Variants in VEZT observed in about 807,000 individuals in gnomAD.
VEZT encodes the protein vezatin.
Under a neutral mutation model 79.9 loss-of-function variants are expected in VEZT, and 39 were observed. The observed-to-expected ratio is 0.49, with a 90% confidence interval of 0.38 to 0.64. VEZT has a LOEUF of 0.64. Ranked by LOEUF, VEZT falls within the 30% of genes least tolerant of loss-of-function variation. VEZT has a pLI of 0.00. For synonymous variants in VEZT, 325 were observed against 327.6 expected (o/e 0.99, Z 0.09); for missense variants, 837 against 893.1 (o/e 0.94, Z 0.80).
intron 8 of VEZT, 98 bp from the exon 9 acceptor site, chr12:95,287,566 G>C (rs1429610999): frequency 8.3e-7 from 1 of 1,201,774 alleles, no homozygotes; most frequent in Non-Finnish European, 1.1e-6. Context: ...GCCTCCCAAA[G>C]TGCTGAGATT....
intron 4 of VEZT, among the ~76,000 whole-genome samples, chr12:95,264,564 A>G (rs2065136536): frequency 1.3e-5 from 2 of 151,746 alleles, no homozygotes; most frequent in Admixed American, 6.6e-5. Flanking sequence ...AGCCTCCCAA[A>G]TACCTGGGAC....
intron 6 of VEZT, among the ~76,000 whole-genome samples, chr12:95,273,491 G>A (rs555409864): frequency 2.1e-4 from 32 of 152,302 alleles, no homozygotes; most frequent in African/African-American, 7.2e-4. Context: ...ACATGGCTAA[G>A]GAATAGAGGT....
chr12:95,244,484 A>G (rs909314572), intron 1 of VEZT, among the ~76,000 whole-genome samples: 1 of 152,108 alleles, frequency 6.6e-6, no homozygotes, highest in Admixed American at 6.6e-5. Context: ...GCTTCCTTAA[A>G]TTCTCAAAAA....
At chr12:95,295,624 G>GT (rs1409399233) in intron 10 of VEZT, among the ~76,000 whole-genome samples, 3 of 152,166 alleles carry the variant, frequency 2.0e-5, no homozygotes, top group Admixed American at 2.0e-4. Flanking sequence ...ATAAGGTGGG[G>GT]TGTTCCCTAA....
chr12:95,234,781 T>A (rs537022470), intron 1 of VEZT, among the ~76,000 whole-genome samples: 2 of 152,176 alleles, frequency 1.3e-5, no homozygotes, highest in African/African-American at 4.8e-5. Context: ...GGTCTCTGGT[T>A]TTCCTAGGCA....
intron 9 of VEZT, among the ~76,000 whole-genome samples, chr12:95,291,135 G>A (rs528041190): frequency 6.6e-6 from 1 of 152,238 alleles, no homozygotes; most frequent in Non-Finnish European, 1.5e-5. Flanking sequence ...GGAGGCTGAG[G>A]TGGAAAGATT....
intron 1 of VEZT, among the ~76,000 whole-genome samples, chr12:95,235,739 C>A (rs1322857469): frequency 6.6e-6 from 1 of 151,024 alleles, no homozygotes; most frequent in African/African-American, 2.4e-5. Flanking sequence ...CCCTCCCGGA[C>A]GGGGTGGTTG....
intron 5 of VEZT, among the ~76,000 whole-genome samples, chr12:95,268,291 C>T (rs10859864): frequency 0.11 from 17,013 of 151,914 alleles, 1,046 homozygotes; most frequent in East Asian, 0.25. Flanking sequence ...GTCAGGAGAT[C>T]GTAGCTATCC....
At position 95,257,201 on chromosome 12, in the gene VEZT, T is replaced by C. The variant is rs2063605079; in HGVS notation, c.220T>C (p.Ser74Pro). ...AACCATCAAAAGTTGGATTTTTTTTTCTCAGTGCAATAAGAAAGATGACTT... is the reference window on the plus strand; with the variant it reads ...AACCATCAAAAGTTGGATTTTTTTTCCTCAGTGCAATAAGAAAGATGACTT... ...AETIKSWIFF[S>P]QCNKKDDLLH... Residue 74 changes from serine to proline, a missense_variant, in exon 3 of 12, where the codon TCT becomes CCT. Ser to Pro is a moderately conservative substitution (Grantham distance 74, BLOSUM62 -1). Coordinates refer to ENST00000436874, the MANE Select transcript of VEZT (RefSeq NM_017599.4). 6.2e-7 allele frequency: 1 copy of C among 1,611,490 alleles called. No homozygotes were observed. Among genetic ancestry groups the C allele is most frequent in the Non-Finnish European group, 8.5e-7 (1 of 1,178,906 alleles).
intron 1 of VEZT, among the ~76,000 whole-genome samples, chr12:95,220,778 T>C (rs986756086): frequency 1.3e-5 from 2 of 152,218 alleles, no homozygotes; most frequent in Non-Finnish European, 2.9e-5. Context: ...CATTGAGTAG[T>C]TCCCAGGTTT....
chr12:95,244,611 A>G (rs1235844777), intron 1 of VEZT, among the ~76,000 whole-genome samples: 2 of 150,064 alleles, frequency 1.3e-5, no homozygotes, highest in Non-Finnish European at 3.0e-5. Flanking sequence ...TTTCTGAGAC[A>G]AGATCTGGCC....
chr12:95,236,862 C>T (rs1246246690), intron 1 of VEZT, among the ~76,000 whole-genome samples: 1 of 152,146 alleles, frequency 6.6e-6, no homozygotes, highest in African/African-American at 2.4e-5. Flanking sequence ...GCTAGGATTA[C>T]AGGCATCAGC....
chr12:95,246,153 C>T (rs1229202457), intron 1 of VEZT, among the ~76,000 whole-genome samples: 2 of 151,086 alleles, frequency 1.3e-5, no homozygotes, highest in African/African-American at 2.4e-5. Flanking sequence ...GACGGAGTCT[C>T]GCTCTGTTGC....
Position 95,300,156 on chromosome 12 carries a change from T to A in VEZT, c.1832-9T>A. Reference sequence around the variant, plus strand: ...ATTTTTTTTCTTTTTTCTTTTTTTTTATTTGAAGCCGTGTTGAAATCCTTG... The same window carrying A: ...ATTTTTTTTCTTTTTTCTTTTTTTTAATTTGAAGCCGTGTTGAAATCCTTG... On this transcript the variant is annotated splice_polypyrimidine_tract_variant and intron_variant, in intron 11 of 11. Transcript: ENST00000436874. The A allele has an allele frequency of 2.9e-6, 4 of 1,383,308 alleles. No homozygotes were observed. The highest frequency in any genetic ancestry group is 2.8e-6 in the Non-Finnish European group (3 of 1,060,332). The allele number at this position is 1,383,308 out of a possible 1,614,324, so 85.7% of individuals were successfully genotyped here.
At chr12:95,261,492 A>G (rs1593596313) in intron 3 of VEZT, among the ~76,000 whole-genome samples, 2 of 151,932 alleles carry the variant, frequency 1.3e-5, no homozygotes, top group South Asian at 4.2e-4. Flanking sequence ...GCTCACTGCA[A>G]CCTCCGCCTC....
At chr12:95,218,178 G>T (rs1437371362) in intron 1 of VEZT, 1 of 286,228 alleles carries the variant, frequency 3.5e-6, no homozygotes, top group Non-Finnish European at 6.3e-6. Flanking sequence ...GGGAATGGAT[G>T]TGCGGCGGGG....
At chr12:95,273,046 C>T (rs1277067159) in intron 6 of VEZT, among the ~76,000 whole-genome samples, 1 of 151,960 alleles carries the variant, frequency 6.6e-6, no homozygotes, top group Non-Finnish European at 1.5e-5. Context: ...CATTTCTTAT[C>T]AAAATAAAAA....
intron 7 of VEZT, among the ~76,000 whole-genome samples, chr12:95,279,571 TG>T (rs2068533197): frequency 6.6e-6 from 1 of 152,156 alleles, no homozygotes; most frequent in Non-Finnish European, 1.5e-5. Context: ...CTGGTTTAAG[TG>T]GGTAATGTGA....
intron 1 of VEZT, among the ~76,000 whole-genome samples, chr12:95,234,284 C>CTT (rs10587022): frequency 4.9e-5 from 6 of 122,920 alleles, no homozygotes; most frequent in Admixed American, 8.3e-5. Flanking sequence ...TATCAATAAT[C>CTT]TTTTTTTTTT....
Sources: gnomAD v4.1 joint callset for allele counts (sites outside exome capture counted in the v4.1 genomes callset) on GRCh38, gnomAD v4.1.1 for gene constraint, MANE v1.5 for transcripts, NCBI Gene and HGNC (gene_info 2026-07-23, HGNC 2026-07-21) for gene names.